Variants in NDST1 observed in about 807,000 individuals in gnomAD.
The protein encoded by NDST1 is N-deacetylase and N-sulfotransferase 1.
In NDST1, 35 loss-of-function variants were observed where a neutral mutation model predicts 92.8. That is an observed-to-expected ratio of 0.38 (90% CI 0.29 to 0.50). The LOEUF is 0.50. Ranked by LOEUF, NDST1 falls within the 20% of genes least tolerant of loss-of-function variation. The pLI is 0.94. For synonymous variants in NDST1, 493 were observed against 500.3 expected, an observed-to-expected ratio of 0.99 and a Z score of 0.19; for missense variants, 822 against 1,182.7, an observed-to-expected ratio of 0.69 and a Z score of 4.47.
chr5:150,529,797 A>G (rs1375086681), intron 3 of NDST1, among the ~76,000 whole-genome samples: 1 of 152,208 alleles, frequency 6.6e-6, no homozygotes, highest in African/African-American at 2.4e-5. Context: ...AGGCTTTAAA[A>G]AGAGACTTGT....
chr5:150,543,337 G>A (rs1755332299), intron 10 of NDST1, among the ~76,000 whole-genome samples: 1 of 152,236 alleles, frequency 6.6e-6, no homozygotes, highest in Non-Finnish European at 1.5e-5. Context: ...GGCTGACTGT[G>A]AAGCAGAGGT....
chr5:150,529,281 A>C (rs528335669), intron 3 of NDST1, among the ~76,000 whole-genome samples: 48 of 149,790 alleles, frequency 3.2e-4, no homozygotes, highest in African/African-American at 1.2e-3. Flanking sequence ...AGTCCTAGCT[A>C]TCTGGGAGGC....
intron 1 of NDST1, among the ~76,000 whole-genome samples, chr5:150,509,991 C>T (rs998711820): frequency 6.6e-6 from 1 of 151,468 alleles, no homozygotes; most frequent in African/African-American, 2.4e-5. Context: ...AAGCCTCTCT[C>T]CTGGGCTGCA....
In NDST1 at chr5:150,543,081, T is replaced by G. The variant is rs527793756; in HGVS notation, c.1970+110T>G. The G allele has an allele frequency of 8.6e-5, 122 of 1,421,440 alleles. No homozygotes were observed. The African/African-American group carries it at 1.6e-3, about 19-fold the overall frequency. 88.1% of individuals were successfully genotyped at this position (1,421,440 alleles called of 1,614,324 possible). On this transcript the variant is annotated intron_variant, in intron 10 of 14. Coordinates refer to ENST00000261797, the MANE Select transcript of NDST1 (RefSeq NM_001543.5). ...GCTGGAGCTTGCTCACACACAGCTG[T>G]CATTCCTGTAAACAGGGACAAAGTG...
intron 3 of NDST1, among the ~76,000 whole-genome samples, chr5:150,532,268 C>T (rs1416045950): frequency 6.6e-6 from 1 of 152,242 alleles, no homozygotes; most frequent in African/African-American, 2.4e-5. Flanking sequence ...TTACTTGATT[C>T]TTCCAAGAGC....
chr5:150,526,409 T>A (rs1754479665), intron 2 of NDST1, among the ~76,000 whole-genome samples: 1 of 152,206 alleles, frequency 6.6e-6, no homozygotes, highest in Non-Finnish European at 1.5e-5. Flanking sequence ...AGCAAATAGT[T>A]GTGGAATGAA....
intron 4 of NDST1, among the ~76,000 whole-genome samples, chr5:150,533,567 C>T (rs1754843002): frequency 6.6e-6 from 1 of 152,136 alleles, no homozygotes; most frequent in African/African-American, 2.4e-5. Context: ...ATCTGCTGTC[C>T]TTCAGGGACT....
chr5:150,541,355 G>A (rs1020250722), intron 8 of NDST1, among the ~76,000 whole-genome samples: 2 of 152,142 alleles, frequency 1.3e-5, no homozygotes, highest in African/African-American at 4.8e-5. Flanking sequence ...ACGTGCTAAG[G>A]GGCATTTTGC....
At chr5:150,519,329 C>G (rs1188918368) in intron 1 of NDST1, among the ~76,000 whole-genome samples, 2 of 152,320 alleles carry the variant, frequency 1.3e-5, no homozygotes, top group Admixed American at 6.5e-5. Context: ...TGAATTCCCC[C>G]CTGGCCTCTT....
chr5:150,516,384 G>A (rs1156432718), intron 1 of NDST1, among the ~76,000 whole-genome samples: 1 of 152,246 alleles, frequency 6.6e-6, no homozygotes, highest in African/African-American at 2.4e-5. Flanking sequence ...CGTGATAACA[G>A]CAGCTGTGTG....
At chr5:150,505,544 A>G (rs1753411955), upstream of NDST1, among the ~76,000 whole-genome samples, 1 of 152,216 alleles carries the variant, frequency 6.6e-6, no homozygotes, top group South Asian at 2.1e-4. Flanking sequence ...TTTAACAAAG[A>G]GCCCAGAACA....
chr5:150,527,733 T>G, intron 2 of NDST1, 71 bp from the exon 3 acceptor site: 1 of 1,600,080 alleles, frequency 6.2e-7, no homozygotes, highest in Non-Finnish European at 8.5e-7. Flanking sequence ...GGTCCACATG[T>G]GAGAGACTGT....
At chr5:150,514,444 C>G (rs1220456292) in intron 1 of NDST1, among the ~76,000 whole-genome samples, 1 of 151,576 alleles carries the variant, frequency 6.6e-6, no homozygotes, top group East Asian at 1.9e-4. Flanking sequence ...GCTTGTAATC[C>G]CAGCTACTCG....
intron 6 of NDST1, 133 bp from the exon 7 acceptor site, chr5:150,539,095 G>C: frequency 1.4e-6 from 1 of 735,588 alleles, no homozygotes; most frequent in Non-Finnish European, 2.4e-6. Flanking sequence ...CTGCACCCAA[G>C]GGTAGGGGCT....
intron 3 of NDST1, among the ~76,000 whole-genome samples, chr5:150,528,662 G>T (rs977016418): frequency 2.0e-5 from 3 of 152,166 alleles, no homozygotes; most frequent in African/African-American, 4.8e-5. Flanking sequence ...AGGTGTGGTG[G>T]CGTATGCCTG....
intron 1 of NDST1, among the ~76,000 whole-genome samples, chr5:150,510,190 G>A (rs546794374): frequency 5.4e-4 from 82 of 152,324 alleles, no homozygotes; most frequent in Non-Finnish European, 7.8e-4. Flanking sequence ...CCTCTTTCAG[G>A]GTGTTAGGAT....
At chr5:150,509,521 CCTTT>C (rs955474632) in intron 1 of NDST1, among the ~76,000 whole-genome samples, 5 of 152,096 alleles carry the variant, frequency 3.3e-5, no homozygotes, top group Non-Finnish European at 7.4e-5. Flanking sequence ...AGGTGGCCCC[CCTTT>C]CTTTATTTTT....
At chr5:150,550,939 T>G (rs960594327) in intron 13 of NDST1, 3 of 152,606 alleles carry the variant, frequency 2.0e-5, no homozygotes, top group African/African-American at 7.2e-5. Context: ...ATGCACTAAG[T>G]GCTAAATAAA....
chr5:150,545,613 T>C, intron 11 of NDST1, 127 bp downstream of exon 11: 1 of 1,181,714 alleles, frequency 8.5e-7, no homozygotes, highest in Non-Finnish European at 1.2e-6. Flanking sequence ...GCCAGGCGCC[T>C]GGAGCGTGGT....
Sources: allele counts gnomAD v4.1 joint callset (sites outside exome capture counted in the v4.1 genomes callset), GRCh38; gene constraint gnomAD v4.1.1; transcripts MANE v1.5; gene names NCBI Gene and HGNC (gene_info 2026-07-23, HGNC 2026-07-21).